PPP1R9A: variants seen among roughly 807,000 people sequenced by gnomAD.
PPP1R9A encodes the protein neurabin-1.
In PPP1R9A, 59 loss-of-function variants were observed where a neutral mutation model predicts 141.9. The observed-to-expected ratio is 0.42, with a 90% CI of 0.34 to 0.52. PPP1R9A has a LOEUF of 0.52. Ranked by LOEUF, PPP1R9A falls within the 20% of genes least tolerant of loss-of-function variation. PPP1R9A has a pLI of 0.10. For missense variants in PPP1R9A, 1,444 were observed against 1,611.9 expected, an observed-to-expected ratio of 0.90 and a Z score of 1.78; for synonymous variants, 500 against 569.7, an observed-to-expected ratio of 0.88 and a Z score of 1.74.
At chr7:95,025,075 C>A (rs1260863331) in intron 2 of PPP1R9A, among the ~76,000 whole-genome samples, 1 of 151,434 alleles carries the variant, frequency 6.6e-6, no homozygotes, top group Non-Finnish European at 1.5e-5. Flanking sequence ...GGTTGAAAAT[C>A]CTTTTTTTTT....
chr7:94,988,214 G>A (rs1801084072), intron 2 of PPP1R9A, among the ~76,000 whole-genome samples: 1 of 152,058 alleles, frequency 6.6e-6, no homozygotes, highest in African/African-American at 2.4e-5. Context: ...ACCCAAATAT[G>A]TGTATATTAC....
In PPP1R9A at chr7:95,043,366, A is replaced by AT. The variant is rs1454917356; in HGVS notation, c.1396-67889dup. The stretch of plus-strand genomic sequence containing the variant: ...CTTGTGCTTTCTATAAAATTAAAAT[A>AT]TTTTGGACAGTAATAACATACAACA... On this transcript the variant is annotated intron_variant, in intron 2 of 19. Transcript: ENST00000433360. Among the ~76,000 whole-genome samples the AT allele has an allele frequency of 2.0e-5, 3 of 152,216 alleles. No individual in the cohort carries two copies. The East Asian group carries it at 5.8e-4, about 29-fold the overall frequency.
chr7:95,290,568 C>G lies in PPP1R9A; in HGVS notation c.*265C>G, dbSNP rs1806223458. ...GTAGCTGTGTTTTGCTCTTCTCTAA[C>G]TTACCAACATCTTGTGTTGTGTTGG... is the stretch of plus-strand genomic sequence containing the variant. On this transcript the variant is annotated 3_prime_UTR_variant, in exon 20 of 20. Transcript: ENST00000433360. 4 of 406,306 alleles carry G rather than the reference C, an allele frequency of 9.8e-6. No individual in the cohort carries two copies. Among genetic ancestry groups the G allele is most frequent in the Middle Eastern group, 7.3e-4 (1 of 1,376 alleles). 25.2% of individuals were successfully genotyped at this position (406,306 alleles called of 1,614,324 possible). A position where few individuals can be genotyped will look rare whatever the true frequency, so the allele number is the denominator to read the frequency against.
chr7:95,217,415 T>C (rs1793635918), intron 7 of PPP1R9A, among the ~76,000 whole-genome samples: 1 of 152,236 alleles, frequency 6.6e-6, no homozygotes, highest in Admixed American at 6.5e-5. Context: ...TCAGGGATAT[T>C]GGTCTAAAAT....
chr7:95,034,172 A>G (rs1808112965), intron 2 of PPP1R9A, among the ~76,000 whole-genome samples: 1 of 152,066 alleles, frequency 6.6e-6, no homozygotes, highest in Admixed American at 6.6e-5. Flanking sequence ...GTCTTTTTAA[A>G]TGTCTCAATA....
chr7:94,936,655 T>G (rs945012268), intron 2 of PPP1R9A, among the ~76,000 whole-genome samples: 1 of 46,478 alleles, frequency 2.2e-5, no homozygotes, highest in Admixed American at 2.0e-4. Flanking sequence ...TGTAGGGGTG[T>G]GTGTGTGTGT....
chr7:95,010,604 G>A (rs144704732), intron 2 of PPP1R9A, among the ~76,000 whole-genome samples: 53 of 152,172 alleles, frequency 3.5e-4, no homozygotes, highest in East Asian at 1.2e-3. Context: ...TGTTTCTAGC[G>A]TAGTTACTCA....
chr7:95,206,177 A>T (rs1377702552), intron 7 of PPP1R9A, among the ~76,000 whole-genome samples: 4 of 152,200 alleles, frequency 2.6e-5, no homozygotes, highest in African/African-American at 7.2e-5. Flanking sequence ...GCCTTAAATC[A>T]TAGAAACATA....
intron 2 of PPP1R9A, among the ~76,000 whole-genome samples, chr7:94,972,757 G>A (rs554002424): frequency 2.0e-5 from 3 of 152,302 alleles, no homozygotes; most frequent in East Asian, 3.9e-4. Context: ...GACAGGTTGA[G>A]AGCACCTGGA....
At position 95,118,827 on chromosome 7, in the gene PPP1R9A, C is replaced by T. The variant is rs982397935; in HGVS notation, c.1529-1885C>T. Among the ~76,000 whole-genome samples, 3 of 144,008 alleles carry T rather than the reference C, an allele frequency of 2.1e-5. No individual in the cohort carries two copies. In the South Asian group the frequency reaches 6.6e-4, roughly 32 times the overall value. The allele number at this position is 144,008 out of a possible 152,430, so 94.5% of individuals were successfully genotyped here. A position where few individuals can be genotyped will look rare whatever the true frequency, so the allele number is the denominator to read the frequency against. ...CTGTACAAAAAAAAAAAAAAAAACA[C>T]AAAAAATTACCCAGATGTGGTGGCA... On this transcript the variant is annotated intron_variant, in intron 3 of 19. Transcript: ENST00000433360.
At chr7:95,176,251 G>T (rs1832879068) in intron 5 of PPP1R9A, among the ~76,000 whole-genome samples, 2 of 152,084 alleles carry the variant, frequency 1.3e-5, no homozygotes, top group South Asian at 4.1e-4. Flanking sequence ...CCAGAAGAGA[G>T]ATAACAGTAA....
chr7:95,162,105 A>T, intron 5 of PPP1R9A, 134 bp downstream of exon 5: 1 of 515,812 alleles, frequency 1.9e-6, no homozygotes, highest in Non-Finnish European at 3.4e-6. Flanking sequence ...TTTAGTTTTA[A>T]ATATTTTCAC....
At chr7:95,212,489 C>T (rs2152917567) in intron 7 of PPP1R9A, among the ~76,000 whole-genome samples, 1 of 152,222 alleles carries the variant, frequency 6.6e-6, no homozygotes, top group African/African-American at 2.4e-5. Context: ...GGGAGCTTTC[C>T]TGAGGGATAA....
intron 2 of PPP1R9A, among the ~76,000 whole-genome samples, chr7:95,079,078 A>T (rs570821310): frequency 6.0e-4 from 91 of 152,262 alleles, no homozygotes; most frequent in African/African-American, 1.9e-3. Context: ...CTGAATGGTA[A>T]TGCCTAGGTT....
At chr7:95,062,665 G>A (rs1035329340) in intron 2 of PPP1R9A, among the ~76,000 whole-genome samples, 2 of 152,002 alleles carry the variant, frequency 1.3e-5, no homozygotes, top group Non-Finnish European at 2.9e-5. Context: ...TGGGATTACA[G>A]GTGTGAGCCA....
intron 2 of PPP1R9A, among the ~76,000 whole-genome samples, chr7:95,043,757 A>G (rs1332586478): frequency 6.6e-6 from 1 of 152,182 alleles, no homozygotes; most frequent in African/African-American, 2.4e-5. Flanking sequence ...CCGGGCCCAG[A>G]TAGTCACTAG....
chr7:95,065,569 A>C (rs1719105514), intron 2 of PPP1R9A, among the ~76,000 whole-genome samples: 1 of 152,166 alleles, frequency 6.6e-6, no homozygotes, highest in South Asian at 2.1e-4. Flanking sequence ...GACTTATTCC[A>C]AGAAAATGGA....
Position 95,251,843 on chromosome 7 carries a change from A to G in PPP1R9A, c.2478A>G (p.Gln826=). The change falls in exon 11 of 20, where the codon CAA becomes CAG. Residue 826 remains glutamine (Q), a synonymous_variant. Coordinates refer to ENST00000433360, the MANE Select transcript of PPP1R9A (RefSeq NM_001166160.2). ...DLEKAHLVEV[Q]GLQVRIRDLE... ...AAAAAGCTCATCTTGTGGAAGTGCA[A>G]GGCCTCCAAGTGCGGGTAAGTTGTG... 1 of 1,613,920 alleles carries G rather than the reference A, an allele frequency of 6.2e-7. No individual in the cohort carries two copies. Among genetic ancestry groups the G allele is most frequent in the Non-Finnish European group, 8.5e-7 (1 of 1,179,876 alleles).
chr7:95,097,417 GA>G (rs1280504894), intron 2 of PPP1R9A, among the ~76,000 whole-genome samples: 2 of 142,170 alleles, frequency 1.4e-5, no homozygotes, highest in East Asian at 3.9e-4. Context: ...TCAAAAGAGA[GA>G]GAAAGTATGA....
Sources: gnomAD v4.1 joint callset for allele counts (sites outside exome capture counted in the v4.1 genomes callset) on GRCh38, gnomAD v4.1.1 for gene constraint, MANE v1.5 for transcripts, NCBI Gene and HGNC (gene_info 2026-07-23, HGNC 2026-07-21) for gene names.